FOXP1: variants seen among roughly 807,000 people sequenced by gnomAD.
FOXP1 encodes the protein forkhead box protein P1.
A neutral mutation model predicts 98.2 loss-of-function variants in FOXP1; 15 were observed. The observed-to-expected ratio is 0.15, with a 90% confidence interval of 0.10 to 0.24. The LOEUF is 0.24. Ranked by LOEUF, FOXP1 falls within the 10% of genes least tolerant of loss-of-function variation. The pLI is 1.00. For missense variants in FOXP1, 633 were observed against 848.5 expected (o/e 0.75, Z 3.15); for synonymous variants, 371 against 314.5 (o/e 1.18, Z -1.90).
At chr3:71,435,882 AGGGACGGAGGGAGGGAGG>A in intron 3 of FOXP1, among the ~76,000 whole-genome samples, 4 of 24,970 alleles carry the variant, frequency 1.6e-4, no homozygotes, top group African/African-American at 5.0e-4. Context: ...GGAGGGAGGA[AGGGACGGAGGGAGGGAGG>A]AAGGGACGGA....
At chr3:71,281,236 A>C (rs2071527497) in intron 5 of FOXP1, among the ~76,000 whole-genome samples, 1 of 97,482 alleles carries the variant, frequency 1.0e-5, no homozygotes, top group Non-Finnish European at 2.1e-5. Context: ...TCAAGATAAA[A>C]ATTTTAAAAA....
intron 11 of FOXP1, among the ~76,000 whole-genome samples, chr3:71,036,922 T>G (rs1318708110): frequency 1.3e-5 from 2 of 152,216 alleles, no homozygotes. Flanking sequence ...GGACACTCAT[T>G]TTATCGTAAT....
intron 6 of FOXP1, among the ~76,000 whole-genome samples, chr3:71,129,494 G>A (rs1024481615): frequency 1.3e-5 from 2 of 152,136 alleles, no homozygotes; most frequent in East Asian, 3.8e-4. Context: ...TTAGACTGCG[G>A]ACTAGCAAAC....
At chr3:71,427,507 T>C (rs1483134152) in intron 3 of FOXP1, among the ~76,000 whole-genome samples, 4 of 152,192 alleles carry the variant, frequency 2.6e-5, no homozygotes, top group Non-Finnish European at 5.9e-5. Context: ...CTAGGGAGCC[T>C]GGGCTCTCTT....
chr3:71,257,001 T>C (rs2068679364), intron 5 of FOXP1, among the ~76,000 whole-genome samples: 1 of 152,188 alleles, frequency 6.6e-6, no homozygotes, highest in Admixed American at 6.5e-5. Context: ...AAGGATTACC[T>C]TTAAGTTGGC....
intron 5 of FOXP1, among the ~76,000 whole-genome samples, chr3:71,287,311 A>G (rs1199088586): frequency 6.6e-6 from 1 of 152,016 alleles, no homozygotes; most frequent in Non-Finnish European, 1.5e-5. Flanking sequence ...GTCTCTAAAA[A>G]CATACAAAGA....
intron 6 of FOXP1, among the ~76,000 whole-genome samples, chr3:71,139,165 T>C (rs892204893): frequency 5.3e-5 from 8 of 152,160 alleles, no homozygotes; most frequent in East Asian, 1.9e-4. Context: ...GGGGCATACA[T>C]AGAGATACGG....
chr3:71,377,541 T>C (rs930431114), intron 3 of FOXP1, among the ~76,000 whole-genome samples: 8 of 152,178 alleles, frequency 5.3e-5, no homozygotes, highest in Non-Finnish European at 8.8e-5. Flanking sequence ...AGGCTTAAAA[T>C]ACTAAATAAC....
chr3:71,197,107 G>C (rs2063346514), intron 6 of FOXP1, among the ~76,000 whole-genome samples: 1 of 152,170 alleles, frequency 6.6e-6, no homozygotes, highest in Admixed American at 6.5e-5. Context: ...TCCCAAACAA[G>C]CTTAGCTTCT....
At chr3:71,518,132 G>GT (rs1295000010) in intron 2 of FOXP1, among the ~76,000 whole-genome samples, 3 of 151,138 alleles carry the variant, frequency 2.0e-5, no homozygotes, top group Non-Finnish European at 3.0e-5. Flanking sequence ...GTTTTTTTTT[G>GT]TTTTTTGTTT....
intron 6 of FOXP1, among the ~76,000 whole-genome samples, chr3:71,165,076 C>T (rs2108171659): frequency 6.6e-6 from 1 of 152,146 alleles, no homozygotes; most frequent in East Asian, 1.9e-4. Context: ...AGTGAACTCC[C>T]ATGAATTTTG....
chr3:71,415,314 A>G (rs2083123415), intron 3 of FOXP1, among the ~76,000 whole-genome samples: 1 of 132,788 alleles, frequency 7.5e-6, no homozygotes, highest in Non-Finnish European at 1.8e-5. Flanking sequence ...TCCAGCTAAT[A>G]TCTTTCAGTA....
chr3:71,217,162 T>C (rs898302895), intron 5 of FOXP1, among the ~76,000 whole-genome samples: 2 of 152,184 alleles, frequency 1.3e-5, no homozygotes, highest in African/African-American at 4.8e-5. Context: ...AACCTCCGCC[T>C]CCCAGGTTCA....
At position 70,972,578 on chromosome 3, in the gene FOXP1, T is replaced by C; in HGVS notation, c.1629A>G (p.Lys543=). 6.2e-7 allele frequency: 1 copy of C among 1,614,204 alleles called. No individual in the cohort carries two copies. Among genetic ancestry groups the C allele is most frequent in the South Asian group, 1.1e-5 (1 of 91,082 alleles). The change falls in exon 18 of 21, where the codon AAA becomes AAG. Residue 543 remains lysine (K), a synonymous_variant. Coordinates refer to ENST00000649528, the MANE Select transcript of FOXP1 (RefSeq NM_001349338.3). ...VWTVDEVEFQ[K]RRPQKISGNP... ...ACCCACTGATCTTTTGTGGCCTTCG[T>C]TTTTGGAATTCTACTTCATCCACTG...
chr3:70,960,549 A>G (rs934936035), intron 20 of FOXP1, among the ~76,000 whole-genome samples: 2 of 152,238 alleles, frequency 1.3e-5, no homozygotes, highest in African/African-American at 4.8e-5. Context: ...TTTGATATGT[A>G]AAAGAACCAT....
intron 5 of FOXP1, among the ~76,000 whole-genome samples, chr3:71,298,402 T>C (rs1437863562): frequency 6.6e-6 from 1 of 151,408 alleles, no homozygotes; most frequent in Admixed American, 6.6e-5. Flanking sequence ...GAGGCAGAGG[T>C]TGCAGTGAGC....
rs1036851146 is a variant in FOXP1 at position 70,957,356 on chromosome 3, C to T, written c.*1891G>A. On this transcript the variant is annotated 3_prime_UTR_variant, in exon 21 of 21. Coordinates refer to ENST00000649528, the MANE Select transcript of FOXP1 (RefSeq NM_001349338.3). Reference sequence around the variant, plus strand: ...TTATCTACTTGGTCTTCTAAATTTACGATGAAGGAGCAGTTCTCTTTCTCA... The same window carrying T: ...TTATCTACTTGGTCTTCTAAATTTATGATGAAGGAGCAGTTCTCTTTCTCA... 4.4e-6 allele frequency: 1 copy of T among 228,346 alleles called. No individual in the cohort carries two copies. The highest frequency in any genetic ancestry group is 6.4e-5 in the East Asian group (1 of 15,710). The allele number at this position is 228,346 out of a possible 1,614,324, so 14.1% of individuals were successfully genotyped here.
At chr3:71,362,982 C>T (rs2107923806) in intron 3 of FOXP1, among the ~76,000 whole-genome samples, 1 of 152,012 alleles carries the variant, frequency 6.6e-6, no homozygotes, top group East Asian at 1.9e-4. Flanking sequence ...TCTTTTATGT[C>T]TTGTTTCTAG....
Position 71,377,550 on chromosome 3 carries a change from A to AC in FOXP1, c.-167-18307dup, listed in dbSNP as rs955127698. Among the ~76,000 whole-genome samples the AC allele has an allele frequency of 4.6e-5, 7 of 151,950 alleles. No homozygotes were observed. The East Asian group carries it at 7.7e-4, about 17-fold the overall frequency. On this transcript the variant is annotated intron_variant, in intron 3 of 20. Coordinates refer to ENST00000649528, the MANE Select transcript of FOXP1 (RefSeq NM_001349338.3). Reference sequence around the variant, plus strand: ...AAACTGAGGCTTAAAATACTAAATAACCCCCCCAAGGTCACCGAGTTCCTA... The same window carrying AC: ...AAACTGAGGCTTAAAATACTAAATAACCCCCCCCAAGGTCACCGAGTTCCTA...
Sources: allele counts gnomAD v4.1 joint callset (sites outside exome capture counted in the v4.1 genomes callset), GRCh38; gene constraint gnomAD v4.1.1; transcripts MANE v1.5; gene names NCBI Gene and HGNC (gene_info 2026-07-23, HGNC 2026-07-21).